Variants in DLGAP1 observed in about 807,000 individuals in gnomAD.
DLGAP1 encodes the protein DLG associated protein 1, also known as disks large-associated protein 1.
In DLGAP1, 11 loss-of-function variants were observed where a neutral mutation model predicts 90.8. That is an observed-to-expected ratio of 0.12 (90% CI 0.08 to 0.20). The LOEUF (loss-of-function observed/expected upper bound fraction) is 0.20. DLGAP1 is among the 10% of genes least tolerant of loss of function. The pLI is 1.00. For missense variants in DLGAP1, 1,050 were observed against 1,333.8 expected (o/e 0.79, Z 3.31); for synonymous variants, 558 against 540.7 (o/e 1.03, Z -0.44).
chr18:3,621,398 C>T (rs921435638), intron 7 of DLGAP1, among the ~76,000 whole-genome samples: 1 of 152,108 alleles, frequency 6.6e-6, no homozygotes, highest in Non-Finnish European at 1.5e-5. Context: ...TCTGTTAAAT[C>T]AAGTTTAGCC....
At chr18:4,101,771 T>C (rs2033820368) in intron 2 of DLGAP1, among the ~76,000 whole-genome samples, 1 of 152,046 alleles carries the variant, frequency 6.6e-6, no homozygotes, top group African/African-American at 2.4e-5. Flanking sequence ...AATATATGTA[T>C]ATATTTAATA....
intron 10 of DLGAP1, among the ~76,000 whole-genome samples, chr18:3,516,807 G>A (rs1454235485): frequency 1.3e-5 from 2 of 152,168 alleles, no homozygotes; most frequent in African/African-American, 4.8e-5. Flanking sequence ...CCACCCCCAT[G>A]ATTTAATCAT....
At chr18:4,065,537 C>A (rs938217653) in intron 2 of DLGAP1, among the ~76,000 whole-genome samples, 3 of 151,986 alleles carry the variant, frequency 2.0e-5, no homozygotes, top group African/African-American at 7.3e-5. Flanking sequence ...AACAGCCAAG[C>A]TGAGAGCCAA....
intron 4 of DLGAP1, among the ~76,000 whole-genome samples, chr18:3,873,442 A>C (rs2070873570): frequency 6.6e-6 from 1 of 152,176 alleles, no homozygotes; most frequent in Non-Finnish European, 1.5e-5. Flanking sequence ...GAAAATCATC[A>C]ATGAATGTGG....
At chr18:3,502,888 A>C (rs2050017832) in intron 11 of DLGAP1, among the ~76,000 whole-genome samples, 2 of 152,174 alleles carry the variant, frequency 1.3e-5, no homozygotes, top group Admixed American at 1.3e-4. Flanking sequence ...TCAATTCAAT[A>C]TGGTATGGGG....
intron 7 of DLGAP1, among the ~76,000 whole-genome samples, chr18:3,665,753 T>C (rs1004600908): frequency 6.6e-6 from 1 of 152,222 alleles, no homozygotes; most frequent in Non-Finnish European, 1.5e-5. Flanking sequence ...AGGGCTAATA[T>C]GTCGACAGGC....
chr18:4,365,364 T>C (rs2081738702), intron 1 of DLGAP1, among the ~76,000 whole-genome samples: 3 of 152,122 alleles, frequency 2.0e-5, no homozygotes, highest in Admixed American at 2.0e-4. Context: ...GGCAAATTTA[T>C]TGTGACAGAA....
intron 7 of DLGAP1, among the ~76,000 whole-genome samples, chr18:3,626,359 T>C (rs34463959): frequency 0.38 from 57,365 of 150,552 alleles, 11,658 homozygotes; most frequent in East Asian, 0.52. Context: ...TTTGGGAGGC[T>C]GAGGTGGGAG....
intron 1 of DLGAP1, among the ~76,000 whole-genome samples, chr18:4,319,078 A>G (rs868867242): frequency 1.3e-5 from 2 of 152,362 alleles, no homozygotes; most frequent in Middle Eastern, 6.8e-3. Context: ...TCCACAATGT[A>G]TACATATATC....
At chr18:3,721,163 G>A (rs1480248913) in intron 7 of DLGAP1, among the ~76,000 whole-genome samples, 2 of 152,220 alleles carry the variant, frequency 1.3e-5, no homozygotes, top group South Asian at 4.2e-4. Flanking sequence ...ATTGACCTTT[G>A]TAACTGAGTT....
intron 4 of DLGAP1, among the ~76,000 whole-genome samples, chr18:3,844,365 T>C (rs1188833481): frequency 6.6e-6 from 1 of 152,240 alleles, no homozygotes; most frequent in Non-Finnish European, 1.5e-5. Flanking sequence ...TGATAATTTC[T>C]TCCCCAGCTT....
At chr18:3,817,733 T>C (rs1400762255) in intron 4 of DLGAP1, among the ~76,000 whole-genome samples, 3 of 152,208 alleles carry the variant, frequency 2.0e-5, no homozygotes, top group East Asian at 3.8e-4. Flanking sequence ...GAGTGAAATG[T>C]TACTGCCTTT....
intron 7 of DLGAP1, among the ~76,000 whole-genome samples, chr18:3,699,008 T>G (rs1182263522): frequency 1.3e-5 from 2 of 152,138 alleles, no homozygotes; most frequent in Non-Finnish European, 2.9e-5. Context: ...ATTTATGTTC[T>G]TCTCTAATCT....
chr18:3,912,245 G>A (rs908910283), intron 3 of DLGAP1, among the ~76,000 whole-genome samples: 10 of 152,160 alleles, frequency 6.6e-5, no homozygotes, highest in African/African-American at 2.4e-4. Flanking sequence ...ATGTTTTGTT[G>A]TTTTAGGTGA....
chr18:4,108,394 T>C (rs897295117), intron 2 of DLGAP1, among the ~76,000 whole-genome samples: 4 of 152,134 alleles, frequency 2.6e-5, no homozygotes, highest in African/African-American at 9.7e-5. Context: ...TTCTGAAGGC[T>C]CCTACGTCAG....
chr18:3,606,448 CTTAT>C lies in DLGAP1; in HGVS notation c.1592-24204_1592-24201del. ...AAACAGAAATACAACAGCAATAATA[CTTAT>C]TTCTTTCCCTAATTGTAATATGTTG... On this transcript the variant is annotated intron_variant, in intron 7 of 12. Coordinates refer to ENST00000315677, the MANE Select transcript of DLGAP1 (RefSeq NM_004746.4). 2 of 72,684 alleles carry C rather than the reference CTTAT, an allele frequency of 2.8e-5. 1 individual carries two copies. The highest frequency in any genetic ancestry group is 8.5e-4 in the South Asian group (2 of 2,362). 4.5% of individuals were successfully genotyped at this position (72,684 alleles called of 1,614,324 possible).
chr18:3,986,615 T>C (rs760096013), intron 3 of DLGAP1: 1 of 152,144 alleles, frequency 6.6e-6, no homozygotes, highest in Non-Finnish European at 1.5e-5. Flanking sequence ...CCAGTAAATG[T>C]CTAAATGTTT....
intron 1 of DLGAP1, among the ~76,000 whole-genome samples, chr18:4,341,123 C>T (rs748552894): frequency 2.8e-4 from 43 of 152,042 alleles, no homozygotes; most frequent in Non-Finnish European, 5.0e-4. Context: ...TCTTTCCTCT[C>T]AATTCACACT....
At chr18:3,795,606 G>A (rs1186984196) in intron 5 of DLGAP1, among the ~76,000 whole-genome samples, 4 of 152,030 alleles carry the variant, frequency 2.6e-5, no homozygotes, top group East Asian at 1.9e-4. Context: ...GAGTCACCGC[G>A]CCTGGCCTGT....
Sources: allele counts gnomAD v4.1 joint callset (sites outside exome capture counted in the v4.1 genomes callset), GRCh38; gene constraint gnomAD v4.1.1; transcripts MANE v1.5; gene names NCBI Gene and HGNC (gene_info 2026-07-23, HGNC 2026-07-21).